The following HPSE2 variants were observed in gnomAD, a reference collection of about 807,000 sequenced individuals.
HPSE2 encodes the protein inactive heparanase-2.
HPSE2 carries 38 observed loss-of-function variants against 60.5 expected under a neutral mutation model. The observed-to-expected ratio is 0.63, with a 90% CI of 0.48 to 0.82. The LOEUF is 0.82. HPSE2 is among the 40% of genes least tolerant of loss of function. The pLI is 0.00. For synonymous variants in HPSE2, 295 were observed against 293.2 expected (o/e 1.01, Z -0.06); for missense variants, 713 against 740.4 (o/e 0.96, Z 0.43).
intron 3 of HPSE2, among the ~76,000 whole-genome samples, chr10:98,887,880 C>T (rs746524813): frequency 4.0e-5 from 6 of 150,246 alleles, no homozygotes; most frequent in Non-Finnish European, 8.9e-5. Context: ...CGCACACCCT[C>T]AATAAGGTAC....
chr10:99,208,282 A>G (rs551898006), intron 2 of HPSE2, among the ~76,000 whole-genome samples: 1 of 152,262 alleles, frequency 6.6e-6, no homozygotes, highest in African/African-American at 2.4e-5. Flanking sequence ...ACAAGACAGG[A>G]AGAAAGAAAC....
At chr10:98,648,825 T>C (rs1039987758) in intron 6 of HPSE2, among the ~76,000 whole-genome samples, 1 of 151,826 alleles carries the variant, frequency 6.6e-6, no homozygotes, top group Non-Finnish European at 1.5e-5. Context: ...ACAAAATAAA[T>C]CACAACAAAC....
At chr10:99,258,837 T>A in the HPSE2 span, among the ~76,000 whole-genome samples, 2 of 152,144 alleles carry the variant, frequency 1.3e-5, no homozygotes, top group African/African-American at 4.8e-5. Flanking sequence ...AAACAAAACT[T>A]AGCACCATAC....
At chr10:99,037,834 A>G (rs945368286) in intron 3 of HPSE2, among the ~76,000 whole-genome samples, 2 of 152,094 alleles carry the variant, frequency 1.3e-5, no homozygotes, top group African/African-American at 4.8e-5. Flanking sequence ...GAATTTCTCC[A>G]AACTCACAGT....
chr10:98,472,613 G>A (rs979623993), intron 11 of HPSE2, among the ~76,000 whole-genome samples: 3 of 152,146 alleles, frequency 2.0e-5, no homozygotes, highest in African/African-American at 7.2e-5. Context: ...TAGGCACTGA[G>A]GCTCCTTACC....
At chr10:99,100,060 C>T (rs1269511330) in intron 3 of HPSE2, among the ~76,000 whole-genome samples, 1 of 152,170 alleles carries the variant, frequency 6.6e-6, no homozygotes, top group Non-Finnish European at 1.5e-5. Flanking sequence ...AGCAGAAAAG[C>T]TGAAAATTCT....
chr10:99,301,071 T>C, the HPSE2 span, among the ~76,000 whole-genome samples: 54 of 152,238 alleles, frequency 3.5e-4, no homozygotes, highest in African/African-American at 1.3e-3. Context: ...CCCAAGTCCC[T>C]GAAGATGCTT....
intron 4 of HPSE2, among the ~76,000 whole-genome samples, chr10:98,724,396 A>G (rs1203977676): frequency 2.6e-5 from 4 of 152,162 alleles, no homozygotes; most frequent in African/African-American, 9.7e-5. Flanking sequence ...TATGTGGTCA[A>G]TTTTGGAATA....
the HPSE2 span, among the ~76,000 whole-genome samples, chr10:99,294,417 AC>A: frequency 6.8e-6 from 1 of 146,654 alleles, no homozygotes; most frequent in African/African-American, 2.5e-5. Context: ...TATAATATAT[AC>A]ATATAATATA....
intron 3 of HPSE2, among the ~76,000 whole-genome samples, chr10:99,143,423 T>A (rs1845936370): frequency 6.6e-6 from 1 of 152,128 alleles, no homozygotes; most frequent in Non-Finnish European, 1.5e-5. Flanking sequence ...TGTCAGACAA[T>A]CCATCTTTTT....
At chr10:98,756,116 C>A (rs1400114256) in intron 3 of HPSE2, among the ~76,000 whole-genome samples, 2 of 152,084 alleles carry the variant, frequency 1.3e-5, no homozygotes, top group Non-Finnish European at 2.9e-5. Flanking sequence ...TCAAGAAATT[C>A]TTTAAGACGA....
intron 11 of HPSE2, among the ~76,000 whole-genome samples, chr10:98,479,598 G>A (rs1941156447): frequency 6.6e-6 from 1 of 152,164 alleles, no homozygotes; most frequent in African/African-American, 2.4e-5. Context: ...AGTCCACCAT[G>A]GCACAGCCCA....
the HPSE2 span, among the ~76,000 whole-genome samples, chr10:99,298,470 A>G: frequency 6.6e-6 from 1 of 152,238 alleles, no homozygotes; most frequent in South Asian, 2.1e-4. Context: ...TGTCTTTTAG[A>G]CAACTGGAGT....
intron 11 of HPSE2, among the ~76,000 whole-genome samples, chr10:98,482,009 A>G (rs1181714428): frequency 2.6e-5 from 4 of 152,104 alleles, no homozygotes; most frequent in African/African-American, 9.7e-5. Flanking sequence ...GTTTATTTGT[A>G]GAGTTTTGAA....
intron 3 of HPSE2, among the ~76,000 whole-genome samples, chr10:98,872,944 C>T (rs1952773113): frequency 6.6e-6 from 1 of 152,084 alleles, no homozygotes; most frequent in Non-Finnish European, 1.5e-5. Context: ...CAGCAAATTT[C>T]AGAATGTGGC....
At chr10:98,554,490 C>T (rs924787850) in intron 9 of HPSE2, among the ~76,000 whole-genome samples, 4 of 152,122 alleles carry the variant, frequency 2.6e-5, no homozygotes, top group Non-Finnish European at 5.9e-5. Flanking sequence ...ATTATTTGTA[C>T]TTAGCTAATT....
chr10:99,216,063 T>TA (rs543837830), intron 2 of HPSE2, among the ~76,000 whole-genome samples: 25 of 152,046 alleles, frequency 1.6e-4, no homozygotes, highest in Non-Finnish European at 3.4e-4. Flanking sequence ...ACGTTTAATC[T>TA]AAAAAATGTT....
intron 11 of HPSE2, among the ~76,000 whole-genome samples, chr10:98,479,865 A>G (rs1388350692): frequency 6.6e-6 from 1 of 152,216 alleles, no homozygotes; most frequent in African/African-American, 2.4e-5. Flanking sequence ...TATTTCAACC[A>G]TATTTTCCAA....
the HPSE2 span, among the ~76,000 whole-genome samples, chr10:99,304,814 T>A: frequency 6.6e-6 from 1 of 152,136 alleles, no homozygotes; most frequent in African/African-American, 2.4e-5. Context: ...CAGAAACGAA[T>A]GAAACTTTTT....
Sources: gnomAD v4.1 joint callset for allele counts (sites outside exome capture counted in the v4.1 genomes callset) on GRCh38, gnomAD v4.1.1 for gene constraint, MANE v1.5 for transcripts, NCBI Gene and HGNC (gene_info 2026-07-23, HGNC 2026-07-21) for gene names.